Variants in MEGF9 observed in about 807,000 individuals in gnomAD.
MEGF9 encodes the protein multiple EGF like domains 9, also known as multiple epidermal growth factor-like domains protein 9.
In MEGF9, 6 loss-of-function variants were observed where a neutral mutation model predicts 46.8. The observed-to-expected ratio is 0.13, with a 90% confidence interval of 0.07 to 0.25. The LOEUF (loss-of-function observed/expected upper bound fraction) is 0.25. Among genes scored for constraint, MEGF9 ranks in the 10% least tolerant of loss-of-function variants. The probability of loss-of-function intolerance (pLI) is 1.00; values close to 1 mark genes in which losing one functional copy is unlikely to be tolerated. For missense variants in MEGF9, 683 were observed against 792.4 expected, an observed-to-expected ratio of 0.86 and a Z score of 1.66; for synonymous variants, 302 against 330.7, an observed-to-expected ratio of 0.91 and a Z score of 0.94.
At chr9:120,646,181 A>G (rs772301793) in intron 2 of MEGF9, among the ~76,000 whole-genome samples, 8 of 151,930 alleles carry the variant, frequency 5.3e-5, no homozygotes, top group Non-Finnish European at 7.4e-5. Flanking sequence ...CCATATTTTA[A>G]ATATTCTCCC....
chr9:120,624,037 A>T (rs2043513028), intron 2 of MEGF9, among the ~76,000 whole-genome samples: 1 of 152,242 alleles, frequency 6.6e-6, no homozygotes, highest in Non-Finnish European at 1.5e-5. Context: ...ATATTGTGTA[A>T]CCATAATATA....
Position 120,611,076 on chromosome 9 carries a change from T to C in MEGF9, c.1087+1320A>G, listed in dbSNP as rs78307837. On this transcript the variant is annotated intron_variant, in intron 4 of 5. Transcript: ENST00000373930. ...ATATCTACTAGGATGGCTATAATTA[T>C]ACAAAGGCAGATAGTAAGTGTTGGT... Among the ~76,000 whole-genome samples the C allele has an allele frequency of 9.3e-4, 142 of 152,272 alleles. 2 individuals are homozygous for C. Among genetic ancestry groups the C allele is most frequent in the African/African-American group, 3.4e-3 (140 of 41,570 alleles).
intron 1 of MEGF9, among the ~76,000 whole-genome samples, chr9:120,678,127 T>C (rs994897227): frequency 2.6e-5 from 4 of 152,222 alleles, no homozygotes; most frequent in Non-Finnish European, 4.4e-5. Flanking sequence ...AGGATCTTAT[T>C]CTGTTTTATG....
At position 120,659,365 on chromosome 9, in the gene MEGF9, G is replaced by GT. The variant is rs1474637794; in HGVS notation, c.803+8dup. On this transcript the variant is annotated intron_variant, in intron 2 of 5. Coordinates refer to ENST00000373930, the MANE Select transcript of MEGF9 (RefSeq NM_001080497.3). ...AAAATAAACTTCAGTTCCACCCTCT[G>GT]TTGCTTACCTGTTGCACGGTATGCT... The GT allele has an allele frequency of 1.9e-6, 3 of 1,610,378 alleles. No homozygotes were observed. In the African/African-American group the frequency reaches 4.0e-5, roughly 22 times the overall value.
At chr9:120,634,178 C>T (rs769167800) in intron 2 of MEGF9, among the ~76,000 whole-genome samples, 5 of 152,002 alleles carry the variant, frequency 3.3e-5, no homozygotes, top group African/African-American at 9.7e-5. Flanking sequence ...AATGTTGAGA[C>T]GTTAGATATT....
At chr9:120,669,972 G>T (rs1011151158) in intron 1 of MEGF9, among the ~76,000 whole-genome samples, 7 of 152,208 alleles carry the variant, frequency 4.6e-5, no homozygotes, top group Non-Finnish European at 8.8e-5. Context: ...TTTTAATCCA[G>T]AATTGGAATA....
intron 4 of MEGF9, among the ~76,000 whole-genome samples, chr9:120,611,832 A>G (rs372008736): frequency 0.018 from 2,548 of 138,732 alleles, 68 homozygotes; most frequent in African/African-American, 0.063. Context: ...GAAAAGAAAG[A>G]AAGGAAGGAA....
intron 2 of MEGF9, among the ~76,000 whole-genome samples, chr9:120,644,280 C>T (rs1170232257): frequency 6.6e-6 from 1 of 152,062 alleles, no homozygotes; most frequent in African/African-American, 2.4e-5. Context: ...TGAAATTTCC[C>T]TCAATTTGGG....
intron 2 of MEGF9, among the ~76,000 whole-genome samples, chr9:120,658,865 A>G (rs999567055): frequency 3.3e-5 from 5 of 152,232 alleles, no homozygotes; most frequent in African/African-American, 1.2e-4. Flanking sequence ...TCAAAAATGT[A>G]CTGGTAAATA....
intron 1 of MEGF9, among the ~76,000 whole-genome samples, chr9:120,698,496 C>T (rs907688517): frequency 6.6e-6 from 1 of 152,200 alleles, no homozygotes; most frequent in Non-Finnish European, 1.5e-5. Flanking sequence ...TACTAACCTG[C>T]ACCTTAGAAC....
chr9:120,626,758 C>G (rs942181958), intron 2 of MEGF9, among the ~76,000 whole-genome samples: 1 of 152,302 alleles, frequency 6.6e-6, no homozygotes, highest in African/African-American at 2.4e-5. Flanking sequence ...TCCAGCTCTA[C>G]TAGTGACTAG....
intron 2 of MEGF9, among the ~76,000 whole-genome samples, chr9:120,657,678 TA>T (rs1448221571): frequency 6.6e-6 from 1 of 152,196 alleles, no homozygotes; most frequent in Admixed American, 6.5e-5. Flanking sequence ...GAGCATGTTT[TA>T]GGGGGAGTGG....
intron 1 of MEGF9, chr9:120,691,422 G>T: frequency 2.0e-6 from 1 of 488,140 alleles, no homozygotes; most frequent in East Asian, 6.1e-5. Flanking sequence ...TACTCTCACA[G>T]GCATATTTTC....
intron 2 of MEGF9, among the ~76,000 whole-genome samples, chr9:120,640,969 T>C (rs1158928854): frequency 6.6e-6 from 1 of 152,126 alleles, no homozygotes; most frequent in Admixed American, 6.5e-5. Flanking sequence ...TTTGGTTTTC[T>C]GTTCCTGCAT....
chr9:120,691,970 T>C (rs1439767960), intron 1 of MEGF9, among the ~76,000 whole-genome samples: 2 of 152,240 alleles, frequency 1.3e-5, no homozygotes, highest in East Asian at 1.9e-4. Context: ...ATTGTGGCTA[T>C]GTACCACTCA....
At chr9:120,610,416 C>T (rs1468077273) in intron 4 of MEGF9, among the ~76,000 whole-genome samples, 1 of 152,176 alleles carries the variant, frequency 6.6e-6, no homozygotes, top group Non-Finnish European at 1.5e-5. Context: ...ATTCAATGTG[C>T]TGCCTGATGT....
intron 1 of MEGF9, among the ~76,000 whole-genome samples, chr9:120,704,362 A>G (rs2132345096): frequency 6.6e-6 from 1 of 152,160 alleles, no homozygotes; most frequent in Middle Eastern, 3.4e-3. Context: ...TGAAATTCAC[A>G]TGAGCCCTCA....
chr9:120,611,640 G>T (rs1175744137), intron 4 of MEGF9, among the ~76,000 whole-genome samples: 4 of 152,054 alleles, frequency 2.6e-5, no homozygotes, highest in Non-Finnish European at 5.9e-5. Context: ...AGGTCCTTTT[G>T]TTGGGGGAGG....
chr9:120,610,355 G>A (rs1430269581), intron 4 of MEGF9, among the ~76,000 whole-genome samples: 1 of 152,132 alleles, frequency 6.6e-6, no homozygotes, highest in Non-Finnish European at 1.5e-5. Context: ...TAAGGTTTGT[G>A]AAAGCCTTTC....
Sources: allele counts gnomAD v4.1 joint callset (sites outside exome capture counted in the v4.1 genomes callset), GRCh38; gene constraint gnomAD v4.1.1; transcripts MANE v1.5; gene names NCBI Gene and HGNC (gene_info 2026-07-23, HGNC 2026-07-21).